CCM2: variants seen among roughly 807,000 people sequenced by gnomAD.
The protein encoded by CCM2 is cerebral cavernous malformations 2 protein.
A neutral mutation model predicts 44.9 loss-of-function variants in CCM2; 25 were observed. The ratio of observed to expected loss-of-function variants is 0.56; its 90% confidence interval spans 0.41 to 0.78. The LOEUF (loss-of-function observed/expected upper bound fraction) is 0.78. Among genes scored for constraint, CCM2 ranks in the 30% least tolerant of loss-of-function variants. The probability of loss-of-function intolerance (pLI) is 0.00; values close to 1 mark genes in which losing one functional copy is unlikely to be tolerated. For missense variants in CCM2, 481 were observed against 580.6 expected (o/e 0.83, Z 1.76); for synonymous variants, 219 against 241.1 (o/e 0.91, Z 0.85).
intron 1 of CCM2, among the ~76,000 whole-genome samples, chr7:45,003,074 A>G (rs1583825917): frequency 6.6e-6 from 1 of 152,068 alleles, no homozygotes; most frequent in East Asian, 1.9e-4. Flanking sequence ...TTGTGGCACT[A>G]TGTAATTCCT....
intron 2 of CCM2, among the ~76,000 whole-genome samples, chr7:45,056,176 T>C (rs1798253061): frequency 6.6e-6 from 1 of 152,210 alleles, no homozygotes; most frequent in South Asian, 2.1e-4. Context: ...AAGCCCCTGC[T>C]TTTATTTCTT....
intron 1 of CCM2, among the ~76,000 whole-genome samples, chr7:45,032,271 C>T (rs922358274): frequency 1.4e-4 from 22 of 152,174 alleles, no homozygotes; most frequent in Non-Finnish European, 2.9e-4. Context: ...ACGCCTGCCT[C>T]CAAGTAGTCC....
intron 2 of CCM2, among the ~76,000 whole-genome samples, chr7:45,038,996 A>C (rs963673385): frequency 7.2e-5 from 11 of 152,230 alleles, no homozygotes; most frequent in Non-Finnish European, 1.3e-4. Flanking sequence ...ACAGTGGATG[A>C]GGTGGTCCGT....
intron 1 of CCM2, among the ~76,000 whole-genome samples, chr7:45,020,356 T>A (rs1796436056): frequency 6.6e-6 from 1 of 152,164 alleles, no homozygotes; most frequent in African/African-American, 2.4e-5. Context: ...AATAAGAACT[T>A]CTTTGGGTTT....
chr7:45,065,695 G>A (rs953817961), intron 4 of CCM2, among the ~76,000 whole-genome samples: 14 of 152,152 alleles, frequency 9.2e-5, no homozygotes, highest in Non-Finnish European at 1.6e-4. Context: ...GAACACTGGC[G>A]GGGTTTATGA....
At chr7:45,025,088 A>G (rs1796630854) in intron 1 of CCM2, among the ~76,000 whole-genome samples, 1 of 152,316 alleles carries the variant, frequency 6.6e-6, no homozygotes. Flanking sequence ...GGCAAACTTC[A>G]TGTAAAGGAC....
chr7:45,034,512 C>CTTTTTTTT lies in CCM2; in HGVS notation c.31-3725_31-3718dup, dbSNP rs35845924. Among the ~76,000 whole-genome samples, 76 of 65,206 alleles carry CTTTTTTTT rather than the reference C, an allele frequency of 1.2e-3. 1 individual carries two copies. Among genetic ancestry groups the CTTTTTTTT allele is most frequent in the Non-Finnish European group, 1.4e-3 (54 of 38,146 alleles). 42.8% of individuals were successfully genotyped at this position (65,206 alleles called of 152,430 possible). On this transcript the variant is annotated intron_variant, in intron 1 of 9. Transcript: ENST00000258781. ...ATAAGCATGTGCCACCATGCCTGGC[C>CTTTTTTTT]TTTTTTTTTTTTTTTTTTTTTTTGA...
chr7:45,003,420 A>G (rs1795723928), intron 1 of CCM2, among the ~76,000 whole-genome samples: 1 of 152,038 alleles, frequency 6.6e-6, no homozygotes, highest in Non-Finnish European at 1.5e-5. Flanking sequence ...GGTTGTGTGG[A>G]TTTTTATACT....
intron 2 of CCM2, among the ~76,000 whole-genome samples, chr7:45,058,840 G>A (rs1202836944): frequency 2.6e-5 from 4 of 151,530 alleles, no homozygotes. Flanking sequence ...GCAGTGGCAC[G>A]ATCTTGCCTC....
chr7:45,055,429 C>T (rs10246494), intron 2 of CCM2, among the ~76,000 whole-genome samples: 20,170 of 152,186 alleles, frequency 0.13, 1,648 homozygotes, highest in Middle Eastern at 0.23. Flanking sequence ...TGGCTCATGC[C>T]TGTAATCCCA....
chr7:45,065,574 A>G (rs1483440996), intron 4 of CCM2, among the ~76,000 whole-genome samples: 2 of 152,298 alleles, frequency 1.3e-5, no homozygotes, highest in East Asian at 3.9e-4. Flanking sequence ...TGTGTTCATT[A>G]TTGACCCCTT....
At chr7:45,056,814 T>C (rs1292618513) in intron 2 of CCM2, among the ~76,000 whole-genome samples, 2 of 151,176 alleles carry the variant, frequency 1.3e-5, no homozygotes, top group African/African-American at 2.5e-5. Flanking sequence ...CAAAAGTGTT[T>C]AATTTTGGTG....
chr7:45,045,906 A>T, intron 2 of CCM2, among the ~76,000 whole-genome samples: 1 of 151,940 alleles, frequency 6.6e-6, no homozygotes, highest in East Asian at 1.9e-4. Flanking sequence ...AAAATGAAAC[A>T]CGGGTATAAA....
Position 45,000,249 on chromosome 7 carries a change from CG to C in CCM2, c.-82del, listed in dbSNP as rs1795531746. 1 of 811,836 alleles carries C rather than the reference CG, an allele frequency of 1.2e-6. No individual in the cohort carries two copies. The highest frequency in any genetic ancestry group is 2.8e-5 in the African/African-American group (1 of 35,348). 50.3% of individuals were successfully genotyped at this position (811,836 alleles called of 1,614,324 possible). ...GGCGGCGCCGGGAGCGCGGGGGCGGCGGGCCCGGGTCGAGCATGTAGCGGCT... is the reference window on the plus strand; with the variant it reads ...GGCGGCGCCGGGAGCGCGGGGGCGGCGGCCCGGGTCGAGCATGTAGCGGCT... On this transcript the variant is annotated 5_prime_UTR_variant, in exon 1 of 10. Coordinates refer to ENST00000258781, the MANE Select transcript of CCM2 (RefSeq NM_031443.4).
intron 2 of CCM2, among the ~76,000 whole-genome samples, chr7:45,039,512 AG>A (rs1165177711): frequency 3.3e-5 from 5 of 152,230 alleles, no homozygotes; most frequent in African/African-American, 1.2e-4. Context: ...TTTCAAACAC[AG>A]GCAGCTGAGT....
chr7:45,052,069 C>T (rs1348880743), intron 2 of CCM2, among the ~76,000 whole-genome samples: 1 of 152,184 alleles, frequency 6.6e-6, no homozygotes, highest in African/African-American at 2.4e-5. Flanking sequence ...TCCCTTGATC[C>T]AAGGTGATGA....
At chr7:45,057,657 A>T (rs1023476358) in intron 2 of CCM2, among the ~76,000 whole-genome samples, 2 of 152,242 alleles carry the variant, frequency 1.3e-5, no homozygotes, top group African/African-American at 4.8e-5. Flanking sequence ...AGCTAAGGGC[A>T]GGTCTGTGGA....
At chr7:45,051,976 G>T (rs1052549313) in intron 2 of CCM2, among the ~76,000 whole-genome samples, 1 of 152,162 alleles carries the variant, frequency 6.6e-6, no homozygotes, top group African/African-American at 2.4e-5. Context: ...AAGTGCTGGG[G>T]TTACAGGCGT....
At chr7:45,031,864 G>A (rs1034437517) in intron 1 of CCM2, among the ~76,000 whole-genome samples, 2 of 152,078 alleles carry the variant, frequency 1.3e-5, no homozygotes, top group African/African-American at 2.4e-5. Context: ...GAGCCACTGC[G>A]CCCAGCCATC....
Sources: gnomAD v4.1 joint callset for allele counts (sites outside exome capture counted in the v4.1 genomes callset) on GRCh38, gnomAD v4.1.1 for gene constraint, MANE v1.5 for transcripts, NCBI Gene and HGNC (gene_info 2026-07-23, HGNC 2026-07-21) for gene names.